Variants in AKAP19 observed in about 807,000 individuals in gnomAD.
The protein encoded by AKAP19 is A-kinase anchoring protein 19, also known as small A-kinase anchoring protein.
At chr2:190,095,838 G>A in the AKAP19 span, among the ~76,000 whole-genome samples, 2 of 152,286 alleles carry the variant, frequency 1.3e-5, no homozygotes, top group African/African-American at 4.8e-5. Context: ...CTGTAAGGCT[G>A]CTGTCTTCAC....
At chr2:190,028,264 G>A in the AKAP19 span, among the ~76,000 whole-genome samples, 1 of 152,010 alleles carries the variant, frequency 6.6e-6, no homozygotes, top group African/African-American at 2.4e-5. Flanking sequence ...TTGTTTGAGG[G>A]GGATAAGCAT....
chr2:189,904,274 G>C, the AKAP19 span, among the ~76,000 whole-genome samples: 1 of 151,946 alleles, frequency 6.6e-6, no homozygotes, highest in Admixed American at 6.6e-5. Context: ...CAGCAATACT[G>C]TAGGTCAATA....
At chr2:190,013,234 G>C in the AKAP19 span, among the ~76,000 whole-genome samples, 8 of 152,118 alleles carry the variant, frequency 5.3e-5, no homozygotes, top group Non-Finnish European at 8.8e-5. Flanking sequence ...TGAAGCCATT[G>C]GGTATTGGAT....
the AKAP19 span, among the ~76,000 whole-genome samples, chr2:190,122,546 G>A: frequency 1.3e-5 from 2 of 152,048 alleles, no homozygotes; most frequent in Admixed American, 6.6e-5. Context: ...TGTAATTAAG[G>A]CAATTCAGAT....
At chr2:190,140,366 G>A in the AKAP19 span, among the ~76,000 whole-genome samples, 1 of 152,198 alleles carries the variant, frequency 6.6e-6, no homozygotes, top group Non-Finnish European at 1.5e-5. Flanking sequence ...GGATCTCAGT[G>A]TGGGGGCTCC....
the AKAP19 span, among the ~76,000 whole-genome samples, chr2:190,178,399 C>T: frequency 6.6e-6 from 1 of 152,236 alleles, no homozygotes; most frequent in African/African-American, 2.4e-5. This position sits in a 1 kb window ranked among gnomAD's most constrained non-coding sequence, Gnocchi z 6.3. Flanking sequence ...GAGAGAGGCC[C>T]CACAGAGAGG....
At chr2:190,026,377 G>A in the AKAP19 span, among the ~76,000 whole-genome samples, 1 of 152,156 alleles carries the variant, frequency 6.6e-6, no homozygotes, top group Non-Finnish European at 1.5e-5. Context: ...TCCCCACAAT[G>A]TAACTTTATC....
At chr2:190,062,278 C>T in the AKAP19 span, 1 of 1,613,180 alleles carries the variant, frequency 6.2e-7, no homozygotes, top group Non-Finnish European at 8.5e-7. Flanking sequence ...TCGTCATCTT[C>T]CAAAGAGCCA....
the AKAP19 span, among the ~76,000 whole-genome samples, chr2:190,130,969 A>G: frequency 6.6e-6 from 1 of 152,186 alleles, no homozygotes; most frequent in Non-Finnish European, 1.5e-5. Context: ...ATTTTGCTGT[A>G]AGGGGTCCAT....
the AKAP19 span, among the ~76,000 whole-genome samples, chr2:189,966,186 G>C: frequency 1.3e-5 from 2 of 149,626 alleles, no homozygotes; most frequent in Non-Finnish European, 3.0e-5. Context: ...GGTACCTGGG[G>C]GGGAAAGGGT....
chr2:190,057,353 T>C, the AKAP19 span: 2 of 1,613,658 alleles, frequency 1.2e-6, no homozygotes, highest in Admixed American at 1.7e-5. Flanking sequence ...ATTGGAGACA[T>C]CTTTGTGGGA....
the AKAP19 span, among the ~76,000 whole-genome samples, chr2:190,128,271 C>T: frequency 4.6e-3 from 702 of 152,202 alleles, 5 homozygotes; most frequent in African/African-American, 0.015. Context: ...TGAGAGGTCA[C>T]AAAAGAAACC....
At chr2:190,026,504 G>C in the AKAP19 span, among the ~76,000 whole-genome samples, 3 of 152,166 alleles carry the variant, frequency 2.0e-5, no homozygotes, top group African/African-American at 4.8e-5. Flanking sequence ...TATAGGAAAT[G>C]TATTAACCAG....
the AKAP19 span, among the ~76,000 whole-genome samples, chr2:189,976,309 A>C: frequency 6.6e-6 from 1 of 152,224 alleles, no homozygotes; most frequent in African/African-American, 2.4e-5. Context: ...GCTGAACAGC[A>C]AATGTTGCTG....
the AKAP19 span, among the ~76,000 whole-genome samples, chr2:190,112,534 G>C: frequency 6.6e-6 from 1 of 152,094 alleles, no homozygotes; most frequent in African/African-American, 2.4e-5. Context: ...ATAGGTTTTT[G>C]ATAGATAACT....
chr2:190,093,317 C>T, the AKAP19 span, among the ~76,000 whole-genome samples: 1 of 151,810 alleles, frequency 6.6e-6, no homozygotes, highest in Non-Finnish European at 1.5e-5. Context: ...CCTGTAATCC[C>T]AGCTACTTGG....
chr2:190,044,733 G>T, the AKAP19 span, among the ~76,000 whole-genome samples: 1 of 152,298 alleles, frequency 6.6e-6, no homozygotes, highest in South Asian at 2.1e-4. Flanking sequence ...TAGTTGCCTA[G>T]GCCAGTCCCT....
chr2:190,005,785 T>C, the AKAP19 span, among the ~76,000 whole-genome samples: 1 of 152,238 alleles, frequency 6.6e-6, no homozygotes, highest in Non-Finnish European at 1.5e-5. Flanking sequence ...TCATTGAGTA[T>C]ATGTCTTTAA....
chr2:189,959,292 C>A, the AKAP19 span, among the ~76,000 whole-genome samples: 1 of 152,060 alleles, frequency 6.6e-6, no homozygotes, highest in Non-Finnish European at 1.5e-5. Context: ...GGGATAGTAG[C>A]TACATTTCCT....
Sources: gnomAD v4.1 joint callset for allele counts (sites outside exome capture counted in the v4.1 genomes callset) on GRCh38, gnomAD v4.1.1 for gene constraint, Gnocchi (gnomAD v3.1) non-coding constraint, MANE v1.5 for transcripts, NCBI Gene and HGNC (gene_info 2026-07-23, HGNC 2026-07-21) for gene names.